CSMD1: variants seen among roughly 807,000 people sequenced by gnomAD.
CSMD1 encodes the protein CUB and Sushi multiple domains 1, also known as CUB and sushi domain-containing protein 1.
Under a neutral mutation model 417.5 loss-of-function variants are expected in CSMD1, and 213 were observed. That is an observed-to-expected ratio of 0.51 (90% CI 0.46 to 0.57). The LOEUF (loss-of-function observed/expected upper bound fraction) is 0.57, where lower values mean the gene tolerates loss of function less well. Among genes scored for constraint, CSMD1 ranks in the 20% least tolerant of loss-of-function variants. The pLI is 0.00. For synonymous variants in CSMD1, 2,862 were observed against 1,736.8 expected (o/e 1.65, Z -16.11); for missense variants, 6,923 against 4,529.7 (o/e 1.53, Z -15.17).
At chr8:3,599,149 G>GTGTGAC in intron 8 of CSMD1, among the ~76,000 whole-genome samples, 1 of 146,522 alleles carries the variant, frequency 6.8e-6, no homozygotes, top group Admixed American at 6.7e-5. Context: ...GTGTGTGTGT[G>GTGTGAC]TCTGTGTGTG....
chr8:4,468,287 T>C (rs184488063), intron 2 of CSMD1, among the ~76,000 whole-genome samples: 300 of 152,286 alleles, frequency 2.0e-3, no homozygotes, highest in African/African-American at 7.0e-3. Flanking sequence ...CCCAAGGAAC[T>C]TGAGAAAGTG....
At chr8:4,396,019 T>G (rs1332877160) in intron 3 of CSMD1, among the ~76,000 whole-genome samples, 1 of 152,206 alleles carries the variant, frequency 6.6e-6, no homozygotes, top group African/African-American at 2.4e-5. Context: ...ATCATTTTGT[T>G]CTAATTCTAT....
chr8:3,654,596 A>G (rs1247939659), intron 7 of CSMD1, among the ~76,000 whole-genome samples: 5 of 151,952 alleles, frequency 3.3e-5, no homozygotes, highest in Admixed American at 2.0e-4. Flanking sequence ...ATACTCAAAG[A>G]CCTCCCATAT....
chr8:3,444,478 G>A (rs1388794107), intron 12 of CSMD1, among the ~76,000 whole-genome samples: 1 of 152,158 alleles, frequency 6.6e-6, no homozygotes, highest in African/African-American at 2.4e-5. Flanking sequence ...TGCTCAACCA[G>A]TAGAACTTTT....
At chr8:4,156,185 G>C (rs748067747) in intron 3 of CSMD1, among the ~76,000 whole-genome samples, 15 of 152,144 alleles carry the variant, frequency 9.9e-5, no homozygotes, top group Non-Finnish European at 2.1e-4. Context: ...GTGGGAACAA[G>C]GTTTCATATC....
chr8:4,241,166 A>T (rs1414141063), intron 3 of CSMD1, among the ~76,000 whole-genome samples: 1 of 152,046 alleles, frequency 6.6e-6, no homozygotes, highest in African/African-American at 2.4e-5. Flanking sequence ...TTCTTAAACA[A>T]ATGAAATCCT....
At chr8:2,984,974 T>C (rs1393490249) in intron 54 of CSMD1, among the ~76,000 whole-genome samples, 4 of 152,230 alleles carry the variant, frequency 2.6e-5, no homozygotes, top group African/African-American at 9.7e-5. Context: ...ATAACTTCTT[T>C]AAGTTTGAAT....
intron 1 of CSMD1, among the ~76,000 whole-genome samples, chr8:4,760,370 T>A (rs1006961612): frequency 6.6e-6 from 1 of 152,176 alleles, no homozygotes; most frequent in Admixed American, 6.6e-5. Context: ...CGAGGACATG[T>A]CTGCTGCACA....
At chr8:3,464,587 A>T (rs1047297243) in intron 12 of CSMD1, among the ~76,000 whole-genome samples, 1 of 149,756 alleles carries the variant, frequency 6.7e-6, no homozygotes, top group Non-Finnish European at 1.5e-5. Flanking sequence ...TAAATATATA[A>T]ATAAATGATT....
chr8:3,343,054 G>A (rs1315092458), intron 23 of CSMD1, among the ~76,000 whole-genome samples: 1 of 152,044 alleles, frequency 6.6e-6, no homozygotes, highest in East Asian at 1.9e-4. Context: ...GTTGTAAGAC[G>A]TTTCCTTTTC....
chr8:3,654,684 G>C lies in CSMD1; in HGVS notation c.1010-37887C>G, dbSNP rs775634323. Among the ~76,000 whole-genome samples the C allele has an allele frequency of 7.2e-5, 11 of 152,354 alleles. No individual in the cohort carries two copies. The East Asian group carries it at 2.1e-3, about 29-fold the overall frequency. ...TGATATGCTAAGTAAGACTGGCTGA[G>C]ATTCGGGTCAGAGCCAGCACAGGGA... On this transcript the variant is annotated intron_variant, in intron 7 of 69. Coordinates refer to ENST00000635120, the MANE Select transcript of CSMD1 (RefSeq NM_033225.6).
intron 1 of CSMD1, among the ~76,000 whole-genome samples, chr8:4,876,615 C>A (rs1803056989): frequency 1.3e-5 from 2 of 152,134 alleles, no homozygotes; most frequent in East Asian, 1.9e-4. Context: ...CTTAGCACAT[C>A]AGTTCACAAT....
chr8:4,937,011 G>C (rs964266010), intron 1 of CSMD1, among the ~76,000 whole-genome samples: 1 of 152,114 alleles, frequency 6.6e-6, no homozygotes, highest in Non-Finnish European at 1.5e-5. Flanking sequence ...AGGAATTGGA[G>C]ACCAGCCTGG....
intron 2 of CSMD1, among the ~76,000 whole-genome samples, chr8:4,423,987 G>A (rs192985387): frequency 6.6e-6 from 1 of 151,834 alleles, no homozygotes; most frequent in Non-Finnish European, 1.5e-5. Flanking sequence ...AAATTATGAT[G>A]GATCAATTGG....
intron 10 of CSMD1, among the ~76,000 whole-genome samples, chr8:3,573,105 A>C (rs1460717610): frequency 6.6e-6 from 1 of 152,124 alleles, no homozygotes; most frequent in Non-Finnish European, 1.5e-5. Context: ...GTTTTTTTCT[A>C]TTTATCTTAT....
intron 2 of CSMD1, among the ~76,000 whole-genome samples, chr8:4,558,594 A>G (rs1417394870): frequency 6.6e-6 from 1 of 152,078 alleles, no homozygotes; most frequent in African/African-American, 2.4e-5. Flanking sequence ...TTGGCCAGAC[A>G]CATGGCTCAC....
intron 15 of CSMD1, among the ~76,000 whole-genome samples, chr8:3,404,232 G>C (rs564205836): frequency 6.6e-6 from 1 of 152,150 alleles, no homozygotes; most frequent in African/African-American, 2.4e-5. Flanking sequence ...TACTCAGGAA[G>C]GCTGAGGCAG....
At chr8:3,929,021 G>A (rs28407329) in intron 5 of CSMD1, among the ~76,000 whole-genome samples, 43,945 of 149,968 alleles carry the variant, frequency 0.29, 8,648 homozygotes, top group South Asian at 0.42. Context: ...TGGTTTCCCT[G>A]TAACTCTCAG....
intron 5 of CSMD1, among the ~76,000 whole-genome samples, chr8:3,992,025 G>C (rs999433423): frequency 1.3e-5 from 2 of 151,886 alleles, no homozygotes; most frequent in African/African-American, 4.8e-5. Flanking sequence ...TTTAATTAAA[G>C]CAGGGGTTTA....
Sources: gnomAD v4.1 joint callset for allele counts (sites outside exome capture counted in the v4.1 genomes callset) on GRCh38, gnomAD v4.1.1 for gene constraint, MANE v1.5 for transcripts, NCBI Gene and HGNC (gene_info 2026-07-23, HGNC 2026-07-21) for gene names.